THSD7B: variants seen among roughly 807,000 people sequenced by gnomAD.
THSD7B encodes thrombospondin type-1 domain-containing protein 7B.
Under a neutral mutation model 213.6 loss-of-function variants are expected in THSD7B, and 138 were observed. The ratio of observed to expected loss-of-function variants is 0.65; its 90% CI spans 0.56 to 0.74. The LOEUF is 0.74. Among genes scored for constraint, THSD7B ranks in the 30% least tolerant of loss-of-function variants. THSD7B has a pLI of 0.00. For missense variants in THSD7B, 1,931 were observed against 1,991.5 expected (o/e 0.97, Z 0.58); for synonymous variants, 742 against 687.0 (o/e 1.08, Z -1.25).
intron 2 of THSD7B, among the ~76,000 whole-genome samples, chr2:136,909,691 G>A (rs578254621): frequency 1.3e-5 from 2 of 152,298 alleles, no homozygotes; most frequent in South Asian, 4.1e-4. Flanking sequence ...AAGGGGAAAA[G>A]TGAATGAGGT....
intron 5 of THSD7B, among the ~76,000 whole-genome samples, chr2:137,132,184 C>G (rs942374754): frequency 9.9e-5 from 15 of 150,964 alleles, no homozygotes; most frequent in Non-Finnish European, 1.6e-4. Flanking sequence ...CTCTGTTTGT[C>G]TGTTATTGGT....
intron 21 of THSD7B, among the ~76,000 whole-genome samples, chr2:137,644,858 G>A (rs752513105): frequency 1.4e-4 from 22 of 152,114 alleles, no homozygotes; most frequent in South Asian, 2.1e-4. Flanking sequence ...ATAAAAGCTC[G>A]CGTGGGCACA....
chr2:137,072,401 CTCTG>C (rs1225736097), intron 3 of THSD7B, among the ~76,000 whole-genome samples: 2 of 145,640 alleles, frequency 1.4e-5, no homozygotes, highest in African/African-American at 2.7e-5. Context: ...TGATTTGGCT[CTCTG>C]TCTGTTATTG....
chr2:136,841,593 CAAA>C (rs534991799), intron 1 of THSD7B, among the ~76,000 whole-genome samples: 15 of 93,174 alleles, frequency 1.6e-4, no homozygotes, highest in African/African-American at 5.0e-4. Flanking sequence ...AAGACTCCAT[CAAA>C]AAAAAAAAAA....
chr2:136,898,788 G>A (rs564890154), intron 2 of THSD7B, among the ~76,000 whole-genome samples: 11 of 151,878 alleles, frequency 7.2e-5, no homozygotes, highest in Admixed American at 5.2e-4. Context: ...GACCACAGGC[G>A]TGCACCACCA....
At chr2:137,572,733 C>T (rs1039588349) in intron 17 of THSD7B, among the ~76,000 whole-genome samples, 177 bp downstream of exon 17, 1 of 152,144 alleles carries the variant, frequency 6.6e-6, no homozygotes, top group Non-Finnish European at 1.5e-5. Flanking sequence ...GCAAGCAAGA[C>T]TGAGCAATTT....
intron 5 of THSD7B, among the ~76,000 whole-genome samples, chr2:137,141,065 G>C (rs985084103): frequency 1.3e-5 from 2 of 152,182 alleles, no homozygotes; most frequent in Admixed American, 1.3e-4. Context: ...AGGGTTCCTG[G>C]AATGTTCCCC....
intron 15 of THSD7B, among the ~76,000 whole-genome samples, chr2:137,521,077 T>A (rs537475085): frequency 6.6e-6 from 1 of 152,232 alleles, no homozygotes; most frequent in African/African-American, 2.4e-5. Context: ...CCGGAGCAGG[T>A]GTAAAATTGC....
chr2:137,088,366 C>T (rs62172282), intron 3 of THSD7B, among the ~76,000 whole-genome samples: 13,258 of 151,838 alleles, frequency 0.087, 712 homozygotes, highest in East Asian at 0.18. Flanking sequence ...CAAACAAAAA[C>T]ATAAAATGAG....
chr2:137,478,420 G>T (rs1025630517), intron 15 of THSD7B, among the ~76,000 whole-genome samples: 31 of 151,858 alleles, frequency 2.0e-4, no homozygotes, highest in Non-Finnish European at 4.1e-4. Context: ...ATTTCTGTGT[G>T]TTTTTTTGTT....
At chr2:137,509,845 T>C (rs1679923498) in intron 15 of THSD7B, among the ~76,000 whole-genome samples, 2 of 152,220 alleles carry the variant, frequency 1.3e-5, no homozygotes, top group East Asian at 1.9e-4. Context: ...AGGTTTATGA[T>C]TGGTTATTCC....
chr2:136,812,629 G>C (rs1445597895), intron 1 of THSD7B, among the ~76,000 whole-genome samples: 2 of 152,172 alleles, frequency 1.3e-5, no homozygotes, highest in East Asian at 3.8e-4. Flanking sequence ...ATTCACAGAA[G>C]TAGGCATCAC....
chr2:137,272,842 T>C (rs1682777476), intron 11 of THSD7B, among the ~76,000 whole-genome samples, 180 bp downstream of exon 11: 1 of 152,046 alleles, frequency 6.6e-6, no homozygotes, highest in Admixed American at 6.6e-5. Flanking sequence ...GGAGTAGAGA[T>C]ATGAAAGTCT....
chr2:137,456,474 G>A (rs1693571405), intron 15 of THSD7B, among the ~76,000 whole-genome samples: 1 of 152,290 alleles, frequency 6.6e-6, no homozygotes. Context: ...GGTTTTATCA[G>A]TGTTGGCCTC....
chr2:137,572,822 A>T (rs1681383645), intron 17 of THSD7B, among the ~76,000 whole-genome samples: 3 of 152,166 alleles, frequency 2.0e-5, no homozygotes. Context: ...TCACACTAGG[A>T]TTCAACTGTG....
chr2:136,838,648 G>T (rs1682877088), intron 1 of THSD7B, among the ~76,000 whole-genome samples: 13 of 152,028 alleles, frequency 8.6e-5, no homozygotes, highest in Admixed American at 8.5e-4. Context: ...TCAAAATGAG[G>T]TTATTGAGTT....
intron 12 of THSD7B, among the ~76,000 whole-genome samples, chr2:137,350,315 G>C (rs1341406607): frequency 2.6e-5 from 4 of 151,912 alleles, no homozygotes; most frequent in Admixed American, 6.6e-5. Context: ...ACTGGATGAA[G>C]GGAATTAGAT....
At chr2:137,062,538 T>C (rs931945613) in intron 3 of THSD7B, among the ~76,000 whole-genome samples, 1 of 151,866 alleles carries the variant, frequency 6.6e-6, no homozygotes, top group Non-Finnish European at 1.5e-5. Flanking sequence ...TAGTTCTAAA[T>C]ATTTTTGCAT....
chr2:137,539,293 G>A (rs1016849199), intron 15 of THSD7B, among the ~76,000 whole-genome samples: 4 of 151,382 alleles, frequency 2.6e-5, no homozygotes, highest in Admixed American at 6.6e-5. Flanking sequence ...TTTTTTTCAC[G>A]TGCAGGGTTT....
Sources: allele counts gnomAD v4.1 joint callset (sites outside exome capture counted in the v4.1 genomes callset), GRCh38; gene constraint gnomAD v4.1.1; transcripts MANE v1.5; gene names NCBI Gene and HGNC (gene_info 2026-07-23, HGNC 2026-07-21).